The following LMTK2 variants were observed in gnomAD, a reference collection of about 807,000 sequenced individuals.
The protein encoded by LMTK2 is serine/threonine-protein kinase LMTK2.
LMTK2 carries 37 observed loss-of-function variants against 127.5 expected under a neutral mutation model. That is an observed-to-expected ratio of 0.29 (90% CI 0.22 to 0.38). The LOEUF (loss-of-function observed/expected upper bound fraction) is 0.38, where lower values mean the gene tolerates loss of function less well. LMTK2 is among the 10% of genes least tolerant of loss of function. LMTK2 has a pLI of 1.00. For missense variants in LMTK2, 1,694 were observed against 1,920.3 expected (o/e 0.88, Z 2.20); for synonymous variants, 819 against 810.1 (o/e 1.01, Z -0.19).
Position 98,203,984 on chromosome 7 carries a change from T to A in LMTK2, c.4281T>A (p.Pro1427=). The A allele has an allele frequency of 6.2e-7, 1 of 1,614,086 alleles. No homozygotes were observed. Among genetic ancestry groups the A allele is most frequent in the East Asian group, 2.2e-5 (1 of 44,874 alleles). ...FEWDDDFSPD[P]FMSKTTSNLL... ...GGGATGATGACTTCTCCCCAGATCC[T>A]TTTATGTCAAAGACAACAAGTAACC... Residue 1427 remains proline (P), a synonymous_variant, in exon 13 of 14, where the codon CCT becomes CCA. Coordinates refer to ENST00000297293, the MANE Select transcript of LMTK2 (RefSeq NM_014916.4).
At position 98,193,183 on chromosome 7, in the gene LMTK2, C is replaced by T. The variant is rs1797561199; in HGVS notation, c.2718C>T (p.Asp906=). Residue 906 remains aspartate (D), a synonymous_variant, in exon 11 of 14, where the codon GAC becomes GAT. Transcript: ENST00000297293. The surrounding 1 kb of genome is among the most constrained non-coding windows in gnomAD (Gnocchi z 4.1). ...AAAGTGACTCTGTTCTTGCTGATGA[C>T]ATCCTTGCCAGCAGGGTGAGTGTAG... The part of the protein sequence containing the change: ...LTESDSVLAD[D]ILASRVSVGS... 4 of 1,613,676 alleles carry T rather than the reference C, an allele frequency of 2.5e-6. No homozygotes were observed. The highest frequency in any genetic ancestry group is 1.7e-5 in the Admixed American group (1 of 60,018).
chr7:98,137,966 A>G (rs1796618269), intron 2 of LMTK2, among the ~76,000 whole-genome samples: 1 of 152,196 alleles, frequency 6.6e-6, no homozygotes. Context: ...AAAGAGGAAG[A>G]TCATTGAAAC....
intron 1 of LMTK2, among the ~76,000 whole-genome samples, chr7:98,117,857 C>G (rs1007155759): frequency 2.6e-5 from 4 of 152,050 alleles, no homozygotes; most frequent in African/African-American, 9.7e-5. Flanking sequence ...ATCCCAGCTA[C>G]TCGGGAGGTT....
At chr7:98,130,738 G>A (rs1796509483) in intron 1 of LMTK2, among the ~76,000 whole-genome samples, 1 of 152,164 alleles carries the variant, frequency 6.6e-6, no homozygotes, top group African/African-American at 2.4e-5. Flanking sequence ...AGCAAGGAGA[G>A]GCCTAGAACA....
rs771384515 is a variant in LMTK2, at chr7:98,194,281, A to C, written c.3816A>C (p.Ser1272=). 1 of 1,614,218 alleles carries C rather than the reference A, an allele frequency of 6.2e-7. No homozygotes were observed. Among genetic ancestry groups the C allele is most frequent in the Admixed American group, 1.7e-5 (1 of 60,026 alleles). ...EGKYLGKLGV[S]GMLDLSEDGM... is the part of the protein sequence containing the mutation. ...AGTACCTGGGGAAACTCGGGGTGTC[A>C]GGGATGCTCGACCTCTCAGAGGACG... The change falls in exon 11 of 14, where the codon TCA becomes TCC. Residue 1272 remains serine, a synonymous_variant. Coordinates refer to ENST00000297293, the MANE Select transcript of LMTK2 (RefSeq NM_014916.4). This position sits in a 1 kb window ranked among gnomAD's most constrained non-coding sequence, Gnocchi z 5.4.
In LMTK2 at chr7:98,205,717, C is replaced by CCCGTGCA. The variant is rs1349235759; in HGVS notation, c.*228_*234dup. On this transcript the variant is annotated 3_prime_UTR_variant, in exon 14 of 14. Coordinates refer to ENST00000297293, the MANE Select transcript of LMTK2 (RefSeq NM_014916.4). ...TCCAGGAGCCGGCGTCCCTCAGTGCCCCGTGCACCCGCGGCCGCGGCCTCC... is the reference window on the plus strand; with the variant it reads ...TCCAGGAGCCGGCGTCCCTCAGTGCCCCGTGCACCGTGCACCCGCGGCCGCGGCCTCC... 1.7e-6 allele frequency: 1 copy of CCCGTGCA among 592,628 alleles called. No homozygotes were observed. Among genetic ancestry groups the CCCGTGCA allele is most frequent in the Non-Finnish European group, 3.0e-6 (1 of 332,860 alleles). 36.7% of individuals were successfully genotyped at this position (592,628 alleles called of 1,614,324 possible).
At chr7:98,119,058 C>T (rs1163846617) in intron 1 of LMTK2, among the ~76,000 whole-genome samples, 2 of 145,142 alleles carry the variant, frequency 1.4e-5, no homozygotes, top group Non-Finnish European at 3.0e-5. Context: ...TGCCACTGCA[C>T]TCCCGCCTGG....
intron 3 of LMTK2, among the ~76,000 whole-genome samples, chr7:98,142,650 G>A (rs1241124277): frequency 6.6e-6 from 1 of 152,102 alleles, no homozygotes; most frequent in Non-Finnish European, 1.5e-5. Context: ...GTCGATCCCC[G>A]GTGGATTCAT....
intron 3 of LMTK2, among the ~76,000 whole-genome samples, chr7:98,144,350 A>G (rs1796740054): frequency 6.6e-6 from 1 of 151,746 alleles, no homozygotes. Context: ...GGAGAATGGC[A>G]TGAACCCGGG....
At chr7:98,128,138 C>T (rs1400877661) in intron 1 of LMTK2, among the ~76,000 whole-genome samples, 4 of 152,056 alleles carry the variant, frequency 2.6e-5, no homozygotes, top group African/African-American at 7.2e-5. Context: ...AGCAAGACTC[C>T]ATCTCTAAAT....
Position 98,204,022 on chromosome 7 carries a change from A to G in LMTK2, c.4319A>G (p.Lys1440Arg), listed in dbSNP as rs1232128502. 5 of 1,614,194 alleles carry G rather than the reference A, an allele frequency of 3.1e-6. No individual in the cohort carries two copies. The highest frequency in any genetic ancestry group is 4.2e-6 in the Non-Finnish European group (5 of 1,180,042). Residue 1440 changes from lysine (K) to arginine (R), a missense_variant, in exon 13 of 14, where the codon AAG becomes AGG. Physicochemically the swap from Lys to Arg is conservative, Grantham distance 26 (BLOSUM62 2). Transcript: ENST00000297293. ...SKTTSNLLSS[K>R]PSLQTSKYFS... ...ACAACAAGTAACCTGCTCAGCTCCA[A>G]GCCTTCTCTCCAAACATCCAAGTAC...
intron 3 of LMTK2, among the ~76,000 whole-genome samples, chr7:98,143,863 A>G (rs1456719417): frequency 1.3e-5 from 2 of 152,200 alleles, no homozygotes; most frequent in Non-Finnish European, 2.9e-5. Flanking sequence ...TGGCAGGGTA[A>G]GATGGAAACA....
At chr7:98,109,177 C>T (rs10230017) in intron 1 of LMTK2, among the ~76,000 whole-genome samples, 23,169 of 151,892 alleles carry the variant, frequency 0.15, 2,286 homozygotes, top group East Asian at 0.43. Flanking sequence ...ACTTCTTACA[C>T]GGTTTTTATT....
rs539157909 is a variant in LMTK2 at position 98,184,596 on chromosome 7, G to C, written c.792-455G>C. Among the ~76,000 whole-genome samples, 5 of 152,204 alleles carry C rather than the reference G, an allele frequency of 3.3e-5. No homozygotes were observed. The South Asian group carries it at 1.0e-3, about 32-fold the overall frequency. On this transcript the variant is annotated intron_variant, in intron 7 of 13. Transcript: ENST00000297293. ...ATTGTACATCTTACATGTGTTGATT[G>C]ATGTCTTATGTCTTCCTAAAATGTA...
chr7:98,114,945 A>G (rs1206631501), intron 1 of LMTK2, among the ~76,000 whole-genome samples: 1 of 152,014 alleles, frequency 6.6e-6, no homozygotes, highest in Non-Finnish European at 1.5e-5. Context: ...GGTGAACTTG[A>G]GAGTGTATAC....
intron 1 of LMTK2, among the ~76,000 whole-genome samples, chr7:98,130,553 C>A (rs1260025644): frequency 6.6e-6 from 1 of 152,034 alleles, no homozygotes. Flanking sequence ...AGAATGGGAC[C>A]TTATTTGGAG....
At chr7:98,123,739 G>A (rs1796401361) in intron 1 of LMTK2, among the ~76,000 whole-genome samples, 1 of 151,686 alleles carries the variant, frequency 6.6e-6, no homozygotes, top group Admixed American at 6.6e-5. Context: ...ACATACACAT[G>A]TATGTGTATA....
chr7:98,203,831 G>A, intron 12 of LMTK2, 113 bp from the exon 13 acceptor site: 1 of 1,571,972 alleles, frequency 6.4e-7, no homozygotes, highest in Non-Finnish European at 8.7e-7. Context: ...ACTGCCATCT[G>A]CCAGCCGGGC....
At chr7:98,148,726 T>C (rs1396226591) in intron 3 of LMTK2, among the ~76,000 whole-genome samples, 2 of 152,178 alleles carry the variant, frequency 1.3e-5, no homozygotes, top group East Asian at 3.8e-4. Flanking sequence ...CAAAAAATAT[T>C]GTCTAGGTCT....
Sources: gnomAD v4.1 joint callset for allele counts (sites outside exome capture counted in the v4.1 genomes callset) on GRCh38, gnomAD v4.1.1 for gene constraint, Gnocchi (gnomAD v3.1) non-coding constraint, MANE v1.5 for transcripts, NCBI Gene and HGNC (gene_info 2026-07-23, HGNC 2026-07-21) for gene names.